RBFOX1: variants seen among roughly 807,000 people sequenced by gnomAD.
RBFOX1 encodes RNA binding protein fox-1 homolog 1.
RBFOX1 carries 8 observed loss-of-function variants against 57.7 expected under a neutral mutation model. That is an observed-to-expected ratio of 0.14 (90% CI 0.08 to 0.25). The LOEUF (loss-of-function observed/expected upper bound fraction) is 0.25. Ranked by LOEUF, RBFOX1 falls within the 10% of genes least tolerant of loss-of-function variation. The probability of loss-of-function intolerance (pLI) is 1.00; values close to 1 mark genes in which losing one functional copy is unlikely to be tolerated. For synonymous variants in RBFOX1, 326 were observed against 222.4 expected (o/e 1.47, Z -4.15); for missense variants, 611 against 548.5 (o/e 1.11, Z -1.14).
intron 2 of RBFOX1, among the ~76,000 whole-genome samples, chr16:6,362,564 A>G (rs1226865646): frequency 2.6e-5 from 4 of 152,218 alleles, no homozygotes; most frequent in Non-Finnish European, 5.9e-5. Context: ...GCTCTCTGAC[A>G]GCAGCTTTCT....
chr16:5,643,832 A>G (rs2048960508), intron 3 of RBFOX1, among the ~76,000 whole-genome samples: 1 of 152,358 alleles, frequency 6.6e-6, no homozygotes, highest in African/African-American at 2.4e-5. Context: ...TGTGCCAGGC[A>G]CATTCACGTG....
At chr16:6,299,836 A>T (rs906100777) in intron 1 of RBFOX1, among the ~76,000 whole-genome samples, 1 of 152,186 alleles carries the variant, frequency 6.6e-6, no homozygotes, top group Non-Finnish European at 1.5e-5. Context: ...AATGGTAAAA[A>T]AATGGCATTA....
chr16:7,348,647 G>A (rs981002483), intron 4 of RBFOX1, among the ~76,000 whole-genome samples: 2 of 152,180 alleles, frequency 1.3e-5, no homozygotes, highest in Non-Finnish European at 2.9e-5. Flanking sequence ...ATAGATTACA[G>A]AATTACACAA....
At chr16:7,236,791 A>G (rs1024925757) in intron 4 of RBFOX1, among the ~76,000 whole-genome samples, 1 of 152,156 alleles carries the variant, frequency 6.6e-6, no homozygotes, top group African/African-American at 2.4e-5. Context: ...GATAAGGCAG[A>G]CAGTCCTTGT....
intron 2 of RBFOX1, among the ~76,000 whole-genome samples, chr16:6,544,117 C>T (rs1459388867): frequency 6.6e-6 from 1 of 152,178 alleles, no homozygotes; most frequent in African/African-American, 2.4e-5. Context: ...TCTTATCTGT[C>T]TTTGCATCCC....
intron 4 of RBFOX1, among the ~76,000 whole-genome samples, chr16:7,352,863 A>C (rs1267145921): frequency 6.6e-6 from 1 of 152,060 alleles, no homozygotes; most frequent in Non-Finnish European, 1.5e-5. Flanking sequence ...CTACAGGAGC[A>C]TGCCACCATG....
chr16:5,566,964 G>C (rs1423267001), intron 2 of RBFOX1, among the ~76,000 whole-genome samples: 1 of 152,138 alleles, frequency 6.6e-6, no homozygotes, highest in African/African-American at 2.4e-5. Context: ...AGAATGAAGT[G>C]GCTTCACCGG....
chr16:5,412,790 C>T (rs774961444), intron 1 of RBFOX1, among the ~76,000 whole-genome samples: 25 of 152,250 alleles, frequency 1.6e-4, no homozygotes, highest in Non-Finnish European at 2.8e-4. Flanking sequence ...AGGGCTGGCA[C>T]CTACACACAT....
At chr16:6,412,230 A>G (rs9926622) in intron 2 of RBFOX1, among the ~76,000 whole-genome samples, 64,437 of 151,836 alleles carry the variant, frequency 0.42, 14,527 homozygotes, top group Non-Finnish European at 0.49. Flanking sequence ...AGTTAGAAAC[A>G]TGAATCTCAC....
intron 3 of RBFOX1, among the ~76,000 whole-genome samples, chr16:5,809,841 C>A (rs1370554519): frequency 1.3e-5 from 2 of 151,988 alleles, no homozygotes; most frequent in Non-Finnish European, 2.9e-5. Flanking sequence ...ACCCAAAGGA[C>A]TATAAATCAC....
At chr16:6,841,971 TA>T (rs1273519466) in intron 3 of RBFOX1, among the ~76,000 whole-genome samples, 1 of 108,512 alleles carries the variant, frequency 9.2e-6, no homozygotes. Flanking sequence ...ACCCCGTCTC[TA>T]TTAAAAAAAA....
intron 4 of RBFOX1, among the ~76,000 whole-genome samples, chr16:5,909,963 G>A (rs1407987677): frequency 6.6e-6 from 1 of 152,150 alleles, no homozygotes; most frequent in South Asian, 2.1e-4. Context: ...TAAGGCAGGA[G>A]AGTCACTTGA....
intron 2 of RBFOX1, among the ~76,000 whole-genome samples, chr16:6,554,723 C>T (rs955006101): frequency 5.8e-5 from 2 of 34,596 alleles, no homozygotes; most frequent in African/African-American, 8.0e-5. Flanking sequence ...CCAGTAGACA[C>T]AGACACACAC....
chr16:6,112,263 A>T (rs1293317787), intron 1 of RBFOX1, among the ~76,000 whole-genome samples: 1 of 152,196 alleles, frequency 6.6e-6, no homozygotes, highest in East Asian at 1.9e-4. Context: ...AGTGTCTGGA[A>T]TCTTGTCAGT....
At chr16:6,583,339 G>T (rs1194332074) in intron 2 of RBFOX1, among the ~76,000 whole-genome samples, 1 of 152,158 alleles carries the variant, frequency 6.6e-6, no homozygotes, top group Non-Finnish European at 1.5e-5. Context: ...AAATGGGTGG[G>T]TTGCGTGCAG....
chr16:6,960,604 C>G (rs543712261), intron 3 of RBFOX1, among the ~76,000 whole-genome samples: 16 of 152,064 alleles, frequency 1.1e-4, no homozygotes, highest in African/African-American at 3.6e-4. Flanking sequence ...GCAGAGGAGG[C>G]CCCCGCCTGC....
At chr16:6,122,420 C>T (rs2096557586) in intron 1 of RBFOX1, among the ~76,000 whole-genome samples, 2 of 151,692 alleles carry the variant, frequency 1.3e-5, no homozygotes, top group African/African-American at 4.8e-5. Flanking sequence ...TTTCAACCTG[C>T]TGGGAATTCT....
At chr16:6,939,558 T>C (rs2077987784) in intron 3 of RBFOX1, among the ~76,000 whole-genome samples, 2 of 151,404 alleles carry the variant, frequency 1.3e-5, no homozygotes, top group Non-Finnish European at 2.9e-5. Context: ...TCATGCAGGC[T>C]GGAGTTCAGT....
rs147906577 is a variant in RBFOX1, at chr16:5,935,346, G to A, written c.351+68011G>A. ...GGGGACACACGAGGATCCATCCTGC[G>A]TGTGGCAGAGGGTGGAAGGAGGACC... On this transcript the variant is annotated intron_variant, in intron 4 of 19. Transcript: ENST00000641259. 4.1e-3 allele frequency among the ~76,000 whole-genome samples: 628 copies of A among 152,324 alleles called. 10 individuals carry two copies. The highest frequency in any genetic ancestry group is 0.014 in the African/African-American group (594 of 41,574).
Sources: gnomAD v4.1 joint callset for allele counts (sites outside exome capture counted in the v4.1 genomes callset) on GRCh38, gnomAD v4.1.1 for gene constraint, MANE v1.5 for transcripts, NCBI Gene and HGNC (gene_info 2026-07-23, HGNC 2026-07-21) for gene names.